The following PPP1R1C variants were observed in gnomAD, a reference collection of about 807,000 sequenced individuals.
The protein encoded by PPP1R1C is protein phosphatase 1 regulatory subunit 1C.
In PPP1R1C, 15 loss-of-function variants were observed where a neutral mutation model predicts 17.4. That is an observed-to-expected ratio of 0.86 (90% CI 0.58 to 1.33). The LOEUF is 1.33. Ranked by LOEUF, PPP1R1C falls within the 40% of genes most tolerant of loss-of-function variation. The pLI is 0.00. For synonymous variants in PPP1R1C, 35 were observed against 43.1 expected (o/e 0.81, Z 0.73); for missense variants, 143 against 130.0 (o/e 1.10, Z -0.48).
At chr2:182,121,748 C>T (rs993346026), downstream of PPP1R1C, among the ~76,000 whole-genome samples, 5 of 152,092 alleles carry the variant, frequency 3.3e-5, no homozygotes, top group East Asian at 1.9e-4. Context: ...ATAATCCGCC[C>T]GCCTCAGCCT....
chr2:181,984,074 C>T (rs1298739927), upstream of PPP1R1C, among the ~76,000 whole-genome samples: 1 of 152,064 alleles, frequency 6.6e-6, no homozygotes, highest in Admixed American at 6.5e-5. Context: ...CAAATTATTC[C>T]AAGTAGATAG....
intron 2 of PPP1R1C, among the ~76,000 whole-genome samples, chr2:182,001,504 A>G (rs116810455): frequency 0.023 from 3,498 of 152,250 alleles, 57 homozygotes; most frequent in Non-Finnish European, 0.038. Context: ...GTCCAATTCA[A>G]TGCCATCAGA....
At chr2:182,023,990 T>A (rs997797726) in intron 2 of PPP1R1C, 1 of 152,052 alleles carries the variant, frequency 6.6e-6, no homozygotes, top group Non-Finnish European at 1.5e-5. Context: ...AATTTCTCCT[T>A]CTCATAATAG....
chr2:182,117,094 CAT>C (rs1454725466), intron 4 of PPP1R1C, 111 bp from the exon 5 acceptor site: 7 of 753,844 alleles, frequency 9.3e-6, no homozygotes, highest in Non-Finnish European at 1.3e-5. Flanking sequence ...TGGAGAAAAA[CAT>C]ATAAACACCA....
At chr2:182,115,648 A>C (rs1447318192) in intron 4 of PPP1R1C, among the ~76,000 whole-genome samples, 3 of 152,194 alleles carry the variant, frequency 2.0e-5, no homozygotes, top group African/African-American at 7.2e-5. Flanking sequence ...TCTTAGCAAC[A>C]AATTTCTCCC....
At chr2:182,121,557 G>A (rs991568561), downstream of PPP1R1C, among the ~76,000 whole-genome samples, 5 of 151,882 alleles carry the variant, frequency 3.3e-5, no homozygotes, top group East Asian at 1.9e-4. Flanking sequence ...GCACCATCTC[G>A]GCTTACTGAA....
intron 4 of PPP1R1C, among the ~76,000 whole-genome samples, chr2:182,090,045 C>A (rs1174639188): frequency 6.6e-6 from 1 of 151,928 alleles, no homozygotes; most frequent in African/African-American, 2.4e-5. Context: ...AAAAGCAAAT[C>A]TTTTCAAATA....
intron 2 of PPP1R1C, among the ~76,000 whole-genome samples, chr2:182,004,068 C>A (rs991506002): frequency 1.3e-5 from 2 of 152,076 alleles, no homozygotes; most frequent in African/African-American, 4.8e-5. Flanking sequence ...TGCCATATAC[C>A]TAGTTAAAAT....
chr2:182,125,858 A>G (rs1016161155), intron 5 of PPP1R1C, among the ~76,000 whole-genome samples: 2 of 152,102 alleles, frequency 1.3e-5, no homozygotes, highest in African/African-American at 4.8e-5. Context: ...TTTTCAAAGA[A>G]ACAGCTCCTG....
intron 2 of PPP1R1C, among the ~76,000 whole-genome samples, chr2:181,980,589 G>T (rs1046367241): frequency 7.9e-5 from 12 of 152,138 alleles, no homozygotes; most frequent in Non-Finnish European, 1.3e-4. Context: ...AATCTCTGTA[G>T]CTCCCTCTCT....
chr2:182,062,050 G>A (rs7560061), intron 3 of PPP1R1C, among the ~76,000 whole-genome samples: 96,797 of 151,860 alleles, frequency 0.64, 32,212 homozygotes, highest in Non-Finnish European at 0.74. Flanking sequence ...GAGAGGCCAG[G>A]AGAGCATATA....
intron 2 of PPP1R1C, among the ~76,000 whole-genome samples, chr2:181,999,932 T>C (rs1052849531): frequency 2.6e-5 from 4 of 152,180 alleles, no homozygotes; most frequent in Admixed American, 6.5e-5. Flanking sequence ...TCATCATTAG[T>C]TGTGAGGCTG....
At position 182,083,099 on chromosome 2, in the gene PPP1R1C, C is replaced by T. The variant is rs545860661; in HGVS notation, c.241+19308C>T. On this transcript the variant is annotated intron_variant, in intron 4 of 4. Transcript: ENST00000682840. ...TTTGAGGTATTTGTGATATTAGAATCTCATAAATTCTCCAGGCTGCTAAAG... is the reference window on the plus strand; with the variant it reads ...TTTGAGGTATTTGTGATATTAGAATTTCATAAATTCTCCAGGCTGCTAAAG... Among the ~76,000 whole-genome samples, 348 of 152,220 alleles carry T rather than the reference C, an allele frequency of 2.3e-3. 4 individuals carry two copies. The highest frequency in any genetic ancestry group is 7.9e-3 in the African/African-American group (327 of 41,544).
upstream of PPP1R1C, among the ~76,000 whole-genome samples, chr2:181,980,927 GTTTTTTTTTT>G (rs34675053): frequency 7.4e-6 from 1 of 135,746 alleles, no homozygotes; most frequent in Admixed American, 7.4e-5. Context: ...ATAAGGAGAA[GTTTTTTTTTT>G]TTTTTTTTTG....
chr2:182,043,586 C>T (rs749104062), intron 2 of PPP1R1C, among the ~76,000 whole-genome samples: 10 of 152,070 alleles, frequency 6.6e-5, no homozygotes, highest in Non-Finnish European at 1.5e-4. Context: ...ACACATGTGC[C>T]ACTCATGTAA....
intron 2 of PPP1R1C, among the ~76,000 whole-genome samples, chr2:182,044,949 G>A (rs553274300): frequency 6.6e-5 from 10 of 152,228 alleles, no homozygotes; most frequent in African/African-American, 2.2e-4. Context: ...CAAAGATAAA[G>A]TTCCTTTTCC....
intron 2 of PPP1R1C, among the ~76,000 whole-genome samples, chr2:182,012,361 C>G (rs1686109525): frequency 1.3e-5 from 2 of 152,038 alleles, no homozygotes; most frequent in South Asian, 4.1e-4. Flanking sequence ...TATAATGACC[C>G]TCTTTGTCTC....
At chr2:182,124,607 C>A (rs1046545226) in intron 5 of PPP1R1C, among the ~76,000 whole-genome samples, 1 of 151,966 alleles carries the variant, frequency 6.6e-6, no homozygotes, top group African/African-American at 2.4e-5. Flanking sequence ...TAGAGAGGTC[C>A]TTCACATCCC....
intron 2 of PPP1R1C, among the ~76,000 whole-genome samples, chr2:182,034,529 C>T (rs1326992326): frequency 1.3e-5 from 2 of 152,138 alleles, no homozygotes; most frequent in Non-Finnish European, 2.9e-5. Context: ...AGCAGCATGA[C>T]ATGACACATT....
Sources: allele counts gnomAD v4.1 joint callset (sites outside exome capture counted in the v4.1 genomes callset), GRCh38; gene constraint gnomAD v4.1.1; transcripts MANE v1.5; gene names NCBI Gene and HGNC (gene_info 2026-07-23, HGNC 2026-07-21).